SMC3: variants seen among roughly 807,000 people sequenced by gnomAD.
The protein encoded by SMC3 is structural maintenance of chromosomes protein 3.
Under a neutral mutation model 171.8 loss-of-function variants are expected in SMC3, and 20 were observed. The ratio of observed to expected loss-of-function variants is 0.12; its 90% CI spans 0.08 to 0.17. The LOEUF (loss-of-function observed/expected upper bound fraction) is 0.17, where lower values mean the gene tolerates loss of function less well. SMC3 is among the 10% of genes least tolerant of loss of function. The probability of loss-of-function intolerance (pLI) is 1.00; values close to 1 mark genes in which losing one functional copy is unlikely to be tolerated. For missense variants in SMC3, 543 were observed against 1,420.4 expected (o/e 0.38, Z 9.93); for synonymous variants, 464 against 451.1 (o/e 1.03, Z -0.36).
At chr10:110,589,729 G>A in intron 14 of SMC3, 21 bp downstream of exon 14, 1 of 1,481,176 alleles carries the variant, frequency 6.8e-7, no homozygotes. Flanking sequence ...ACTAAAATGT[G>A]CATTAATGTT....
intron 10 of SMC3, among the ~76,000 whole-genome samples, 188 bp downstream of exon 10, chr10:110,582,830 T>C (rs978235113): frequency 4.6e-5 from 7 of 151,982 alleles, no homozygotes; most frequent in Non-Finnish European, 1.0e-4. Flanking sequence ...ACCACACCTG[T>C]CTAGTTTTTA....
At chr10:110,569,089 C>G in intron 2 of SMC3, 76 bp downstream of exon 2, 1 of 917,560 alleles carries the variant, frequency 1.1e-6, no homozygotes, top group Non-Finnish European at 1.8e-6. Flanking sequence ...TCTATATTGG[C>G]TTAAGGAGAC....
chr10:110,603,384 TAGAA>T (rs1397840810), intron 28 of SMC3, 94 bp downstream of exon 28: 10 of 821,580 alleles, frequency 1.2e-5, no homozygotes, highest in Admixed American at 9.6e-5. Context: ...AAAGAAAACT[TAGAA>T]AGTCTTTGCT....
chr10:110,600,143 AATTG>A (rs1425945691), intron 21 of SMC3, among the ~76,000 whole-genome samples: 1 of 152,184 alleles, frequency 6.6e-6, no homozygotes, highest in Non-Finnish European at 1.5e-5. Flanking sequence ...CAAGCATTTT[AATTG>A]ATTTTTAAAA....
rs1473519917 is a variant in SMC3 at position 110,575,366 on chromosome 10, G to A, written c.161G>A (p.Ser54Asn). ...CAGTTTGTTCTCAGTGATGAGTTTA[G>A]TCATCTTCGTCCAGAACAGCGGTTG... ...AIQFVLSDEFSHLRPEQRLAL... is the reference protein window; with the variant it reads ...AIQFVLSDEFNHLRPEQRLAL... The change falls in exon 4 of 29, where the codon AGT becomes AAT. Residue 54 changes from serine (S) to asparagine (N), a missense_variant. Coordinates refer to ENST00000361804, the MANE Select transcript of SMC3 (RefSeq NM_005445.4). The A allele has an allele frequency of 6.2e-7, 1 of 1,613,720 alleles. No homozygotes were observed. Among genetic ancestry groups the A allele is most frequent in the South Asian group, 1.1e-5 (1 of 91,072 alleles).
intron 19 of SMC3, 127 bp downstream of exon 19, chr10:110,596,677 T>A: frequency 1.2e-6 from 1 of 854,214 alleles, no homozygotes; most frequent in East Asian, 2.7e-5. Flanking sequence ...AGAGCTTATG[T>A]TTGTTTAGCT....
At chr10:110,590,659 C>G (rs1021533836) in intron 16 of SMC3, 87 bp downstream of exon 16, 3 of 1,109,024 alleles carry the variant, frequency 2.7e-6, no homozygotes, top group Non-Finnish European at 1.4e-6. Context: ...TACAACATAT[C>G]TTCCATTATC....
At position 110,568,767 on chromosome 10, in the gene SMC3, C is replaced by CTTT. The variant is rs35132779; in HGVS notation, c.16-160_16-158dup. ...TGGCAAAGATTACCGATAAAAGTAC[C>CTTT]TTTTTTTTTTTTTAGCAGATTTTTA... is the stretch of plus-strand genomic sequence containing the variant. On this transcript the variant is annotated intron_variant, in intron 1 of 28. Transcript: ENST00000361804. Among the ~76,000 whole-genome samples the CTTT allele has an allele frequency of 0.032, 4,645 of 143,158 alleles. 208 individuals carry two copies. The highest frequency in any genetic ancestry group is 0.1 in the African/African-American group (3,981 of 39,130). 93.9% of individuals were successfully genotyped at this position (143,158 alleles called of 152,430 possible). A position where few individuals can be genotyped will look rare whatever the true frequency, so the allele number is the denominator to read the frequency against.
intron 4 of SMC3, among the ~76,000 whole-genome samples, chr10:110,576,675 G>A (rs1860954914): frequency 6.6e-6 from 1 of 152,068 alleles, no homozygotes; most frequent in Admixed American, 6.6e-5. Flanking sequence ...TGAATTTGTA[G>A]CCCAGTAATC....
At chr10:110,577,689 G>A (rs1287155671) in intron 5 of SMC3, 146 bp from the exon 6 acceptor site, 4 of 694,698 alleles carry the variant, frequency 5.8e-6, no homozygotes, top group African/African-American at 5.4e-5. Flanking sequence ...TTGGTTAAGA[G>A]TATTGAGTAT....
At chr10:110,581,889 C>G in intron 8 of SMC3, 34 bp from the exon 9 acceptor site, 1 of 1,560,134 alleles carries the variant, frequency 6.4e-7, no homozygotes, top group Non-Finnish European at 8.8e-7. Context: ...AAATCTTATT[C>G]AATTCTTCCA....
At position 110,590,977 on chromosome 10, in the gene SMC3, C is replaced by T. The variant is rs201713297; in HGVS notation, c.1671-14C>T. On this transcript the variant is annotated splice_polypyrimidine_tract_variant and intron_variant, in intron 16 of 28. Coordinates refer to ENST00000361804, the MANE Select transcript of SMC3 (RefSeq NM_005445.4). Reference sequence around the variant, plus strand: ...AGTACCAATAAAGATTTGTCTTACTCTGTTTATATTTAGGTTATTTTATCA... The same window carrying T: ...AGTACCAATAAAGATTTGTCTTACTTTGTTTATATTTAGGTTATTTTATCA... The T allele has an allele frequency of 6.2e-7, 1 of 1,611,420 alleles. No individual in the cohort carries two copies. Among genetic ancestry groups the T allele is most frequent in the East Asian group, 2.2e-5 (1 of 44,828 alleles).
chr10:110,589,566 T>G, intron 13 of SMC3, 39 bp from the exon 14 acceptor site: 1 of 1,346,572 alleles, frequency 7.4e-7, no homozygotes, highest in Non-Finnish European at 1.1e-6. Context: ...TAGATTAGTT[T>G]CATGAAATTG....
intron 20 of SMC3, 36 bp from the exon 21 acceptor site, chr10:110,599,618 C>T: frequency 6.3e-7 from 1 of 1,597,170 alleles, no homozygotes; most frequent in Non-Finnish European, 8.6e-7. Flanking sequence ...AATACAGTGG[C>T]TAATACCTTA....
chr10:110,604,912 C>T lies in SMC3; in HGVS notation c.*610C>T, dbSNP rs1233353283. Reference sequence around the variant, plus strand: ...TTTGACTAGTTTTTCCACTAAGGCCCTTTTTCTTTTCTAGGATCCCACAGA... The same window carrying T: ...TTTGACTAGTTTTTCCACTAAGGCCTTTTTTCTTTTCTAGGATCCCACAGA... On this transcript the variant is annotated 3_prime_UTR_variant, in exon 29 of 29. Coordinates refer to ENST00000361804, the MANE Select transcript of SMC3 (RefSeq NM_005445.4). Among the ~76,000 whole-genome samples, 1 of 152,226 alleles carries T rather than the reference C, an allele frequency of 6.6e-6. No individual in the cohort carries two copies. The highest frequency in any genetic ancestry group is 2.1e-4 in the South Asian group (1 of 4,816).
chr10:110,599,158 C>T (rs766674938), intron 20 of SMC3, among the ~76,000 whole-genome samples: 12 of 152,054 alleles, frequency 7.9e-5, no homozygotes, highest in Admixed American at 6.6e-5. Flanking sequence ...AGTGCAATGG[C>T]GTGATCTCGG....
intron 3 of SMC3, 132 bp downstream of exon 3, chr10:110,573,877 G>C: frequency 1.4e-6 from 1 of 699,002 alleles, no homozygotes; most frequent in Non-Finnish European, 2.6e-6. Flanking sequence ...TTGCAGCTTA[G>C]TGTAGAGGGT....
intron 23 of SMC3, 25 bp from the exon 24 acceptor site, chr10:110,601,612 C>T (rs1317050215): frequency 1.9e-6 from 3 of 1,606,388 alleles, no homozygotes; most frequent in Non-Finnish European, 2.5e-6. Context: ...GTATTATAGC[C>T]TAATTTTGTT....
intron 7 of SMC3, among the ~76,000 whole-genome samples, chr10:110,579,142 A>G (rs1860995845): frequency 1.3e-5 from 2 of 152,060 alleles, no homozygotes; most frequent in South Asian, 4.1e-4. Flanking sequence ...ATGTTTTTAC[A>G]TTTTTTCAGC....
Sources: allele counts gnomAD v4.1 joint callset (sites outside exome capture counted in the v4.1 genomes callset), GRCh38; gene constraint gnomAD v4.1.1; transcripts MANE v1.5; gene names NCBI Gene and HGNC (gene_info 2026-07-23, HGNC 2026-07-21).